Variants in GRID2 observed in about 807,000 individuals in gnomAD.
The protein encoded by GRID2 is glutamate receptor ionotropic, delta-2.
A neutral mutation model predicts 114.8 loss-of-function variants in GRID2; 33 were observed. The observed-to-expected ratio is 0.29, with a 90% CI of 0.22 to 0.38. The LOEUF is 0.38. GRID2 is among the 10% of genes least tolerant of loss of function. The pLI is 1.00. For missense variants in GRID2, 1,184 were observed against 1,257.7 expected, an observed-to-expected ratio of 0.94 and a Z score of 0.89; for synonymous variants, 505 against 449.9, an observed-to-expected ratio of 1.12 and a Z score of -1.55.
intron 9 of GRID2, among the ~76,000 whole-genome samples, chr4:93,422,269 A>T (rs142230105): frequency 3.3e-5 from 5 of 152,212 alleles, no homozygotes; most frequent in African/African-American, 4.8e-5. Flanking sequence ...TCACAAAATT[A>T]CTTAGTGAAT....
chr4:93,689,338 A>G (rs1273160123), intron 14 of GRID2, among the ~76,000 whole-genome samples: 2 of 152,074 alleles, frequency 1.3e-5, no homozygotes. Context: ...ATGGGTGTCA[A>G]TATGTTGAAT....
intron 13 of GRID2, among the ~76,000 whole-genome samples, chr4:93,518,260 C>T (rs28715540): frequency 0.19 from 28,066 of 151,312 alleles, 3,137 homozygotes; most frequent in Non-Finnish European, 0.25. Flanking sequence ...AGGTAGATAC[C>T]GATCTCATCT....
chr4:92,497,702 C>A (rs1191586728), intron 1 of GRID2, among the ~76,000 whole-genome samples: 1 of 151,836 alleles, frequency 6.6e-6, no homozygotes, highest in Non-Finnish European at 1.5e-5. Flanking sequence ...CAGATCATCA[C>A]TAATTATTTC....
At chr4:93,276,948 A>G (rs553869116) in intron 8 of GRID2, among the ~76,000 whole-genome samples, 1 of 152,010 alleles carries the variant, frequency 6.6e-6, no homozygotes, top group African/African-American at 2.4e-5. Context: ...ATAGCCATCA[A>G]TAAATATTTT....
At chr4:93,031,955 A>G (rs1419989421) in intron 2 of GRID2, among the ~76,000 whole-genome samples, 1 of 152,172 alleles carries the variant, frequency 6.6e-6, no homozygotes, top group Admixed American at 6.5e-5. Context: ...CAATCTAGCC[A>G]TACTTCAAGA....
At chr4:92,831,750 C>T (rs1742118739) in intron 2 of GRID2, among the ~76,000 whole-genome samples, 1 of 151,924 alleles carries the variant, frequency 6.6e-6, no homozygotes, top group Non-Finnish European at 1.5e-5. Flanking sequence ...GTCCTAGCTA[C>T]TTGAGAGGCT....
Position 93,248,086 on chromosome 4 carries a change from T to TAC in GRID2, c.1245+9613_1245+9614dup, listed in dbSNP as rs10548106. Reference sequence around the variant, plus strand: ...CTGTGTCACTCCAATATCTAACAGATACACACACACACACACACCAGTGAA... The same window carrying TAC: ...CTGTGTCACTCCAATATCTAACAGATACACACACACACACACACACCAGTGAA... On this transcript the variant is annotated intron_variant, in intron 8 of 15. Coordinates refer to ENST00000282020, the MANE Select transcript of GRID2 (RefSeq NM_001510.4). Among the ~76,000 whole-genome samples, 793 of 150,930 alleles carry TAC rather than the reference T, an allele frequency of 5.3e-3. 11 individuals carry two copies. The highest frequency in any genetic ancestry group is 0.018 in the African/African-American group (731 of 41,178).
At chr4:93,274,630 A>G (rs1751849939) in intron 8 of GRID2, among the ~76,000 whole-genome samples, 1 of 152,058 alleles carries the variant, frequency 6.6e-6, no homozygotes. Flanking sequence ...GACAGAGACT[A>G]TATCTTCTTG....
At chr4:93,320,719 C>T (rs1342704124) in intron 8 of GRID2, among the ~76,000 whole-genome samples, 4 of 151,628 alleles carry the variant, frequency 2.6e-5, no homozygotes, top group Non-Finnish European at 4.4e-5. Context: ...GGTTTTTTTA[C>T]AGCAAAAAAA....
intron 2 of GRID2, among the ~76,000 whole-genome samples, chr4:92,747,495 T>C (rs1341443993): frequency 1.3e-5 from 2 of 152,070 alleles, no homozygotes; most frequent in African/African-American, 4.8e-5. Context: ...CAGGGTAAAG[T>C]TTCTGTTCTG....
At chr4:92,691,239 C>A (rs1336763159) in intron 2 of GRID2, among the ~76,000 whole-genome samples, 1 of 151,932 alleles carries the variant, frequency 6.6e-6, no homozygotes, top group Non-Finnish European at 1.5e-5. Flanking sequence ...TATATCGTAT[C>A]CAAAAATTAT....
chr4:93,506,888 G>A (rs1728685224), intron 12 of GRID2, among the ~76,000 whole-genome samples: 1 of 152,130 alleles, frequency 6.6e-6, no homozygotes, highest in Non-Finnish European at 1.5e-5. Flanking sequence ...ACCATAACAG[G>A]AAGGAAGACA....
intron 8 of GRID2, among the ~76,000 whole-genome samples, chr4:93,300,293 A>T (rs1158011133): frequency 1.3e-5 from 2 of 152,224 alleles, no homozygotes; most frequent in East Asian, 3.9e-4. Flanking sequence ...TTTGATCCAT[A>T]GTTATTGAAT....
intron 4 of GRID2, among the ~76,000 whole-genome samples, chr4:93,128,047 A>AC (rs1560908497): frequency 2.1e-4 from 30 of 145,090 alleles, no homozygotes; most frequent in African/African-American, 7.8e-4. Flanking sequence ...AAAAAAAAAA[A>AC]AAAAAAAAAA....
At chr4:92,355,930 A>G (rs1319338189) in intron 1 of GRID2, among the ~76,000 whole-genome samples, 1 of 151,746 alleles carries the variant, frequency 6.6e-6, no homozygotes, top group Non-Finnish European at 1.5e-5. Context: ...GCAAAAGTTG[A>G]TCTCCATGTG....
intron 13 of GRID2, among the ~76,000 whole-genome samples, chr4:93,524,297 A>G (rs1222523444): frequency 6.6e-6 from 1 of 152,068 alleles, no homozygotes; most frequent in African/African-American, 2.4e-5. Context: ...AAATGATTCC[A>G]ACAAATACAT....
At chr4:92,851,791 T>TTG (rs943701542) in intron 2 of GRID2, among the ~76,000 whole-genome samples, 2 of 151,898 alleles carry the variant, frequency 1.3e-5, no homozygotes, top group Non-Finnish European at 2.9e-5. Flanking sequence ...GAGGCCAAAG[T>TTG]AACACCTAAG....
intron 1 of GRID2, among the ~76,000 whole-genome samples, chr4:92,358,548 TGGGAACTTAA>T (rs1489034561): frequency 6.6e-6 from 1 of 151,926 alleles, no homozygotes; most frequent in African/African-American, 2.4e-5. Flanking sequence ...GAGATAACAT[TGGGAACTTAA>T]GGGAAATATC....
intron 2 of GRID2, among the ~76,000 whole-genome samples, chr4:92,607,656 G>A (rs1729524796): frequency 6.6e-6 from 1 of 151,808 alleles, no homozygotes; most frequent in Non-Finnish European, 1.5e-5. Flanking sequence ...CTAATGAACA[G>A]CAAATGGCCA....
Sources: allele counts gnomAD v4.1 joint callset (sites outside exome capture counted in the v4.1 genomes callset), GRCh38; gene constraint gnomAD v4.1.1; transcripts MANE v1.5; gene names NCBI Gene and HGNC (gene_info 2026-07-23, HGNC 2026-07-21).